Variants in ADAM12 observed in about 807,000 individuals in gnomAD.
ADAM12 encodes the protein disintegrin and metalloproteinase domain-containing protein 12.
In ADAM12, 70 loss-of-function variants were observed where a neutral mutation model predicts 106.4. That is an observed-to-expected ratio of 0.66 (90% CI 0.54 to 0.80). The LOEUF is 0.80. ADAM12 is among the 30% of genes least tolerant of loss of function. The pLI is 0.00. For missense variants in ADAM12, 1,010 were observed against 1,171.9 expected (o/e 0.86, Z 2.02); for synonymous variants, 420 against 433.5 (o/e 0.97, Z 0.39).
chr10:126,162,326 A>G (rs1403052192), intron 3 of ADAM12, among the ~76,000 whole-genome samples: 1 of 152,170 alleles, frequency 6.6e-6, no homozygotes, highest in African/African-American at 2.4e-5. Context: ...AGAGCATTCC[A>G]GCGAGAGGGG....
At chr10:126,144,874 C>T (rs1565093016) in intron 4 of ADAM12, among the ~76,000 whole-genome samples, 1 of 152,202 alleles carries the variant, frequency 6.6e-6, no homozygotes, top group African/African-American at 2.4e-5. Context: ...GTGTCTGTTT[C>T]ATCGTCACAT....
At chr10:126,174,008 ATTTTTTTTTTTT>A (rs200354475) in intron 3 of ADAM12, among the ~76,000 whole-genome samples, 16,763 of 90,316 alleles carry the variant, frequency 0.19, 1,151 homozygotes, top group East Asian at 0.37. Flanking sequence ...TCTGTTGTTG[ATTTTTTTTTTTT>A]TTTTTTTTTT....
chr10:126,291,926 G>A (rs2133781066), intron 2 of ADAM12, among the ~76,000 whole-genome samples: 1 of 152,158 alleles, frequency 6.6e-6, no homozygotes, highest in Non-Finnish European at 1.5e-5. Flanking sequence ...TCTGGCTCTG[G>A]GACAGAGACA....
At chr10:126,264,699 C>G (rs181832896) in intron 3 of ADAM12, among the ~76,000 whole-genome samples, 32 of 152,214 alleles carry the variant, frequency 2.1e-4, no homozygotes, top group African/African-American at 7.0e-4. Context: ...TGGGACTAAG[C>G]CTGCTTGTGA....
chr10:126,132,614 T>A (rs897196768), intron 5 of ADAM12, among the ~76,000 whole-genome samples: 1 of 150,694 alleles, frequency 6.6e-6, no homozygotes, highest in African/African-American at 2.4e-5. Context: ...GGCTTGGCTT[T>A]CCTAGAGGTC....
At chr10:126,252,027 G>T (rs1363770261) in intron 3 of ADAM12, among the ~76,000 whole-genome samples, 1 of 134,634 alleles carries the variant, frequency 7.4e-6, no homozygotes, top group African/African-American at 2.9e-5. Context: ...GATGGATTGG[G>T]TGGGATGGAT....
At chr10:126,116,981 G>A (rs1955995568) in intron 6 of ADAM12, among the ~76,000 whole-genome samples, 3 of 152,122 alleles carry the variant, frequency 2.0e-5, no homozygotes, top group Non-Finnish European at 4.4e-5. Flanking sequence ...AGACAACAAC[G>A]GGTTAGGAGA....
intron 3 of ADAM12, among the ~76,000 whole-genome samples, chr10:126,167,001 C>T (rs533747562): frequency 6.6e-6 from 1 of 152,322 alleles, no homozygotes; most frequent in South Asian, 2.1e-4. Context: ...TTGCATTCTT[C>T]AAACGTTTCT....
At chr10:126,122,631 C>T (rs370965392) in intron 5 of ADAM12, among the ~76,000 whole-genome samples, 9 of 152,120 alleles carry the variant, frequency 5.9e-5, no homozygotes, top group Middle Eastern at 3.4e-3. Context: ...TGTGGTGGCA[C>T]GCACCTGTAG....
At chr10:126,145,376 C>T (rs1956606713) in intron 4 of ADAM12, 1 of 152,518 alleles carries the variant, frequency 6.6e-6, no homozygotes, top group Non-Finnish European at 1.5e-5. Context: ...CAATCCACTC[C>T]ATTTATAGAC....
At chr10:126,328,008 C>T (rs1338706034) in intron 2 of ADAM12, among the ~76,000 whole-genome samples, 1 of 152,218 alleles carries the variant, frequency 6.6e-6, no homozygotes, top group Non-Finnish European at 1.5e-5. Flanking sequence ...CTTCTCATGG[C>T]TGGCTCTTTA....
chr10:126,175,686 G>A (rs769026723), intron 3 of ADAM12, among the ~76,000 whole-genome samples: 4 of 152,338 alleles, frequency 2.6e-5, no homozygotes, highest in African/African-American at 4.8e-5. Context: ...TGGGTGCCAC[G>A]TAAGTGTCGT....
chr10:126,191,708 T>C (rs1015059451), intron 3 of ADAM12, among the ~76,000 whole-genome samples: 1 of 152,184 alleles, frequency 6.6e-6, no homozygotes, highest in Non-Finnish European at 1.5e-5. Context: ...TAGCTTAACA[T>C]AGGGTTTGAG....
intron 3 of ADAM12, among the ~76,000 whole-genome samples, chr10:126,198,278 C>T (rs1295533183): frequency 1.3e-5 from 2 of 152,210 alleles, no homozygotes; most frequent in South Asian, 4.1e-4. Flanking sequence ...CTCAACCCTG[C>T]CATGGCAGAG....
chr10:126,222,361 T>A (rs1311327721), intron 3 of ADAM12, among the ~76,000 whole-genome samples: 1 of 151,996 alleles, frequency 6.6e-6, no homozygotes, highest in African/African-American at 2.4e-5. Flanking sequence ...TTCCTCACTG[T>A]GTATCTTTGG....
intron 1 of ADAM12, among the ~76,000 whole-genome samples, chr10:126,358,959 T>C (rs1253431588): frequency 6.6e-6 from 1 of 152,208 alleles, no homozygotes; most frequent in Non-Finnish European, 1.5e-5. Context: ...AGCGGTTTAA[T>C]TGTACTTACA....
At chr10:126,125,741 G>A (rs1956195905) in intron 5 of ADAM12, among the ~76,000 whole-genome samples, 1 of 151,850 alleles carries the variant, frequency 6.6e-6, no homozygotes, top group Non-Finnish European at 1.5e-5. Flanking sequence ...TGCGAAAAGG[G>A]ACTTTGCAAA....
chr10:126,120,882 CAATATAT>C (rs1956071894), intron 5 of ADAM12, among the ~76,000 whole-genome samples: 1 of 130,612 alleles, frequency 7.7e-6, no homozygotes, highest in Non-Finnish European at 1.6e-5. Context: ...TAATAATACA[CAATATAT>C]AATAATATAT....
chr10:126,140,791 C>T (rs967914756), intron 4 of ADAM12, among the ~76,000 whole-genome samples: 2 of 152,160 alleles, frequency 1.3e-5, no homozygotes, highest in Admixed American at 6.5e-5. Context: ...CAGATAATTT[C>T]GCAACTCAGC....
Sources: gnomAD v4.1 joint callset for allele counts (sites outside exome capture counted in the v4.1 genomes callset) on GRCh38, gnomAD v4.1.1 for gene constraint, MANE v1.5 for transcripts, NCBI Gene and HGNC (gene_info 2026-07-23, HGNC 2026-07-21) for gene names.